Variants in CCSER2 observed in about 807,000 individuals in gnomAD.
CCSER2 encodes the protein serine-rich coiled-coil domain-containing protein 2.
In CCSER2, 46 loss-of-function variants were observed where a neutral mutation model predicts 92.3. The observed-to-expected ratio is 0.50, with a 90% CI of 0.39 to 0.64. The LOEUF (loss-of-function observed/expected upper bound fraction) is 0.64, where lower values mean the gene tolerates loss of function less well. CCSER2 is among the 30% of genes least tolerant of loss of function. The probability of loss-of-function intolerance (pLI) is 0.00; values close to 1 mark genes in which losing one functional copy is unlikely to be tolerated. For synonymous variants in CCSER2, 433 were observed against 431.4 expected, an observed-to-expected ratio of 1.00 and a Z score of -0.04; for missense variants, 1,244 against 1,238.9, an observed-to-expected ratio of 1.00 and a Z score of -0.06.
intron 5 of CCSER2, among the ~76,000 whole-genome samples, chr10:84,427,862 C>T (rs773577080): frequency 1.3e-5 from 2 of 152,288 alleles, no homozygotes. Context: ...AACATTTTTA[C>T]ACCAAAGATT....
chr10:84,513,894 A>C lies in CCSER2; in HGVS notation c.2771A>C (p.Lys924Thr), dbSNP rs1455486772. 2 of 1,536,490 alleles carry C rather than the reference A, an allele frequency of 1.3e-6. No homozygotes were observed. The highest frequency in any genetic ancestry group is 1.7e-6 in the Non-Finnish European group (2 of 1,146,986). ...CAGCCCAAGTCCTTGCAGCTTTTAAAGCCATCCATATTGAGTTCTTTGGTA... is the reference window on the plus strand; with the variant it reads ...CAGCCCAAGTCCTTGCAGCTTTTAACGCCATCCATATTGAGTTCTTTGGTA... ...MSQPKSLQLL[K>T]PSILSSLVPP... The change falls in exon 10 of 10, where the codon AAG (lysine) becomes ACG (threonine). Residue 924 changes from lysine to threonine, a missense_variant. Transcript: ENST00000372088.
chr10:84,441,734 ATGTTTTTTTTTTTTTTTTTTTTTTTT>A (rs141891475), intron 6 of CCSER2, among the ~76,000 whole-genome samples: 25,511 of 106,468 alleles, frequency 0.24, 3,173 homozygotes, highest in East Asian at 0.42. Flanking sequence ...GACTGGGAAA[ATGTTTTTTTTTTTTTTTTTTTTTTTT>A]TTTTTTTTTT....
intron 9 of CCSER2, among the ~76,000 whole-genome samples, chr10:84,505,589 A>T (rs1364153924): frequency 6.6e-6 from 1 of 152,218 alleles, no homozygotes; most frequent in Admixed American, 6.5e-5. Flanking sequence ...AAACTAGAGT[A>T]ACTCAGTAAA....
At chr10:84,368,087 C>G (rs549308317) in intron 1 of CCSER2, among the ~76,000 whole-genome samples, 1 of 152,142 alleles carries the variant, frequency 6.6e-6, no homozygotes, top group Non-Finnish European at 1.5e-5. Flanking sequence ...TAGAAGTTGG[C>G]AGATCCTGGT....
chr10:84,512,244 A>G (rs978194979), intron 9 of CCSER2, among the ~76,000 whole-genome samples: 3 of 152,308 alleles, frequency 2.0e-5, no homozygotes, highest in East Asian at 1.9e-4. Context: ...TAGAGCTACT[A>G]TGTAGATTTA....
In CCSER2 at chr10:84,365,902, G is replaced by T. The variant is rs555063281; in HGVS notation, c.-39-5112G>T. 1.3e-4 allele frequency among the ~76,000 whole-genome samples: 20 copies of T among 152,158 alleles called. No individual in the cohort carries two copies. The South Asian group carries it at 4.1e-3, about 32-fold the overall frequency. ...ACCCTAATATGTAATATCAATACCA[G>T]TTTTCTTATGTTTATACCGAAAGTG... is the stretch of plus-strand genomic sequence containing the variant. On this transcript the variant is annotated intron_variant, in intron 1 of 9. Transcript: ENST00000372088.
At chr10:84,489,701 A>C (rs905563582) in intron 9 of CCSER2, among the ~76,000 whole-genome samples, 5 of 152,134 alleles carry the variant, frequency 3.3e-5, no homozygotes, top group African/African-American at 7.2e-5. Context: ...CCAATTTGCC[A>C]GTCTGTGTCT....
At chr10:84,370,196 A>G (rs117461639) in intron 1 of CCSER2, among the ~76,000 whole-genome samples, 2,484 of 152,236 alleles carry the variant, frequency 0.016, 26 homozygotes, top group Middle Eastern at 0.024. Context: ...TACAAATTGC[A>G]TTGAATCTGT....
At chr10:84,362,919 C>T (rs1360481317) in intron 1 of CCSER2, among the ~76,000 whole-genome samples, 1 of 151,992 alleles carries the variant, frequency 6.6e-6, no homozygotes, top group African/African-American at 2.4e-5. Flanking sequence ...TCACTGCAAC[C>T]TCTGCCTTCT....
intron 5 of CCSER2, among the ~76,000 whole-genome samples, chr10:84,436,214 T>C (rs1267404274): frequency 6.8e-6 from 1 of 147,760 alleles, no homozygotes; most frequent in Non-Finnish European, 1.5e-5. Flanking sequence ...TAGTCCCAGC[T>C]ACTCGGGAGG....
intron 6 of CCSER2, among the ~76,000 whole-genome samples, chr10:84,451,433 G>C (rs547887979): frequency 6.6e-6 from 1 of 151,964 alleles, no homozygotes; most frequent in Non-Finnish European, 1.5e-5. Context: ...GGCACGTGCC[G>C]TTGCGTCCAC....
At chr10:84,380,644 AC>A (rs892407316) in intron 3 of CCSER2, among the ~76,000 whole-genome samples, 24 of 149,956 alleles carry the variant, frequency 1.6e-4, no homozygotes, top group African/African-American at 5.9e-4. Flanking sequence ...TTAAAACTTC[AC>A]CTCTGTCATG....
intron 4 of CCSER2, among the ~76,000 whole-genome samples, chr10:84,424,375 T>A (rs1310746170): frequency 2.0e-5 from 3 of 152,166 alleles, no homozygotes; most frequent in Non-Finnish European, 4.4e-5. Context: ...GAACAAAAAT[T>A]CTTTTTTCAC....
chr10:84,451,348 A>G (rs1385672051), intron 6 of CCSER2, among the ~76,000 whole-genome samples: 1 of 149,744 alleles, frequency 6.7e-6, no homozygotes, highest in Non-Finnish European at 1.5e-5. Context: ...AGGTGTGATC[A>G]TAAAGTACTG....
intron 1 of CCSER2, among the ~76,000 whole-genome samples, chr10:84,366,159 G>A (rs1044529625): frequency 2.6e-5 from 4 of 152,000 alleles, no homozygotes; most frequent in Admixed American, 2.6e-4. Context: ...GCTCAGTATG[G>A]CCTTCAACTC....
chr10:84,387,059 C>A (rs930936807), intron 3 of CCSER2, among the ~76,000 whole-genome samples: 6 of 152,128 alleles, frequency 3.9e-5, no homozygotes, highest in African/African-American at 1.4e-4. Context: ...ATGGAGTAAA[C>A]TTACACATCA....
At position 84,392,802 on chromosome 10, in the gene CCSER2, A is replaced by T. The variant is rs377682879; in HGVS notation, c.1614+18987A>T. Among the ~76,000 whole-genome samples the T allele has an allele frequency of 1.8e-4, 28 of 152,320 alleles. No homozygotes were observed. In the East Asian group the frequency reaches 4.2e-3, roughly 23 times the overall value. ...GAATAAATGGGGCTTGGTATATCAA[A>T]CTAAAGATGACATCTTAATTTTGCA... On this transcript the variant is annotated intron_variant, in intron 3 of 9. Transcript: ENST00000372088.
At chr10:84,489,072 G>C (rs891782892) in intron 9 of CCSER2, among the ~76,000 whole-genome samples, 4 of 152,190 alleles carry the variant, frequency 2.6e-5, no homozygotes, top group Admixed American at 6.5e-5. Context: ...TTAATCCTGA[G>C]TTCTAGTTTG....
chr10:84,338,719 A>G (rs1218111656), intron 1 of CCSER2, among the ~76,000 whole-genome samples: 1 of 152,200 alleles, frequency 6.6e-6, no homozygotes, highest in East Asian at 1.9e-4. Flanking sequence ...TTCCAGGGAA[A>G]TTTTGACAGC....
Sources: allele counts gnomAD v4.1 joint callset (sites outside exome capture counted in the v4.1 genomes callset), GRCh38; gene constraint gnomAD v4.1.1; transcripts MANE v1.5; gene names NCBI Gene and HGNC (gene_info 2026-07-23, HGNC 2026-07-21).